MYO15A: variants seen among roughly 807,000 people sequenced by gnomAD.
MYO15A encodes the protein unconventional myosin-XV.
A neutral mutation model predicts 394.6 loss-of-function variants in MYO15A; 308 were observed. The observed-to-expected ratio is 0.78, with a 90% CI of 0.71 to 0.86. The LOEUF is 0.86. MYO15A is among the 40% of genes least tolerant of loss of function. The pLI, the probability that MYO15A is intolerant of heterozygous loss-of-function variation, is 0.00. For synonymous variants in MYO15A, 1,957 were observed against 2,003.8 expected, an observed-to-expected ratio of 0.98 and a Z score of 0.62; for missense variants, 4,606 against 4,799.1, an observed-to-expected ratio of 0.96 and a Z score of 1.19.
chr17:18,159,204 G>A (rs1170835655), intron 53 of MYO15A, 71 bp from the exon 54 acceptor site: 2 of 1,571,466 alleles, frequency 1.3e-6, no homozygotes, highest in African/African-American at 2.7e-5. Context: ...TATGGCCTTG[G>A]AACACAATGT....
In MYO15A at chr17:18,178,812, T is replaced by C; in HGVS notation, c.10535T>C (p.Leu3512Pro). ...CRVVAVHVEN[L>P]LSAHEKRLTL... ...GTGGTGGCCGTGCACGTGGAGAACC[T>C]GCTCAGTGCCCATGAGAAGCGGCTC... Residue 3512 changes from leucine (L) to proline (P), a missense_variant, in exon 66 of 66, where the codon CTG becomes CCG. By Grantham distance (98) the Leu-to-Pro change is moderately conservative. Coordinates refer to ENST00000647165, the MANE Select transcript of MYO15A (RefSeq NM_016239.4). The C allele has an allele frequency of 6.2e-7, 1 of 1,613,980 alleles. No individual in the cohort carries two copies. The highest frequency in any genetic ancestry group is 8.5e-7 in the Non-Finnish European group (1 of 1,180,012).
chr17:18,156,783 A>C (rs1423803502), intron 48 of MYO15A, among the ~76,000 whole-genome samples, 171 bp from the exon 49 acceptor site: 2 of 152,190 alleles, frequency 1.3e-5, no homozygotes, highest in African/African-American at 2.4e-5. Flanking sequence ...TGTGTCCCTC[A>C]GACTCACCCT....
rs528919197 is a variant in MYO15A, at chr17:18,158,655, C to A, written c.9083+17C>A. The A allele has an allele frequency of 3.7e-6, 6 of 1,611,512 alleles. No individual in the cohort carries two copies. In the South Asian group the frequency reaches 6.6e-5, roughly 18 times the overall value. On this transcript the variant is annotated intron_variant, in intron 52 of 65. Transcript: ENST00000647165. The stretch of plus-strand genomic sequence containing the variant: ...GAGACCCCAGTGAGTGGCGGCCCCA[C>A]CCCTCTTCCCACAGTGGGAGGGTGC...
intron 56 of MYO15A, chr17:18,160,810 C>G (rs1017001585): frequency 3.5e-6 from 1 of 289,296 alleles, no homozygotes; most frequent in Non-Finnish European, 6.8e-6. Context: ...TCATGCAGGG[C>G]CAGCACACAG....
In MYO15A at chr17:18,162,528, G is replaced by C. The variant is rs769096792; in HGVS notation, c.9518-57G>C. The C allele has an allele frequency of 7.9e-6, 12 of 1,519,774 alleles. No individual in the cohort carries two copies. In the South Asian group the frequency reaches 1.3e-4, roughly 16 times the overall value. 94.1% of individuals were successfully genotyped at this position (1,519,774 alleles called of 1,614,324 possible). A position where few individuals can be genotyped will look rare whatever the true frequency, so the allele number is the denominator to read the frequency against. ...GCTCATGGTTGGTGGCAAGAGGAGC[G>C]AGCCCCTTTCTCCCACAGTCCACCT... On this transcript the variant is annotated intron_variant, in intron 57 of 65. Coordinates refer to ENST00000647165, the MANE Select transcript of MYO15A (RefSeq NM_016239.4).
rs1397234915 is a variant in MYO15A at position 18,172,280 on chromosome 17, C to G, written c.10340C>G (p.Thr3447Arg). Residue 3447 changes from threonine to arginine, a missense_variant, in exon 64 of 66, where the codon ACA becomes AGA. This residue lies in a region of MYO15A where 2,776 missense variants were observed against 3,109.3 expected (regional missense o/e 0.89). Transcript: ENST00000647165. Reference sequence around the variant, plus strand: ...CACAATGGCCTCAACTTTCTCAGCACAGAGACTCATGTGAGTGGCCTCAGC... The same window carrying G: ...CACAATGGCCTCAACTTTCTCAGCAGAGAGACTCATGTGAGTGGCCTCAGC... ...INHNGLNFLS[T>R]ETHELMVKFP... The G allele has an allele frequency of 1.8e-5, 29 of 1,614,222 alleles. No individual in the cohort carries two copies. The highest frequency in any genetic ancestry group is 2.5e-5 in the Non-Finnish European group (29 of 1,180,038).
Position 18,137,605 on chromosome 17 carries a change from G to T in MYO15A, c.4801G>T (p.Glu1601Ter). 6.2e-7 allele frequency: 1 copy of T among 1,613,978 alleles called. No homozygotes were observed. Among genetic ancestry groups the T allele is most frequent in the South Asian group, 1.1e-5 (1 of 91,022 alleles). ...GCAGGACCTGAGCTTCAACAGCTTT[G>T]AGCAGCTGTGTATTAACTACGCAAA... ...GFEDLSFNSF[E>*]QLCINYANEN... Residue 1601 changes from glutamate (E) to a stop codon, truncating the protein, a stop_gained, in exon 16 of 66, where the codon GAG becomes TAG. Coordinates refer to ENST00000647165, the MANE Select transcript of MYO15A (RefSeq NM_016239.4). LOFTEE classifies it high-confidence loss of function.
At position 18,171,755 on chromosome 17, in the gene MYO15A, C is replaced by T. The variant is rs751227818; in HGVS notation, c.10200C>T (p.Ala3400=). 35 of 1,610,494 alleles carry T rather than the reference C, an allele frequency of 2.2e-5. No individual in the cohort carries two copies. Among genetic ancestry groups the T allele is most frequent in the Non-Finnish European group, 2.9e-5 (34 of 1,179,886 alleles). Residue 3400 remains alanine (A), a synonymous_variant, in exon 63 of 66, where the codon GCC becomes GCT. Coordinates refer to ENST00000647165, the MANE Select transcript of MYO15A (RefSeq NM_016239.4). Reference sequence around the variant, plus strand: ...CACAGGCGCTCAGCCCCCACCAGGCCCGTGCCCAGTTTCTGGGTAAGAGCT... The same window carrying T: ...CACAGGCGCTCAGCCCCCACCAGGCTCGTGCCCAGTTTCTGGGTAAGAGCT... ...QQTQALSPHQ[A]RAQFLGLLSA... is the part of the protein sequence containing the mutation.
At chr17:18,155,552 C>T in intron 47 of MYO15A, 120 bp downstream of exon 47, 5 of 978,870 alleles carry the variant, frequency 5.1e-6, no homozygotes, top group Non-Finnish European at 7.9e-6. Context: ...CTGTGCCAAG[C>T]CATTGAAGCA....
At position 18,142,835 on chromosome 17, in the gene MYO15A, C is replaced by T; in HGVS notation, c.5905C>T (p.Leu1969Phe). The T allele has an allele frequency of 1.2e-6, 2 of 1,611,348 alleles. No homozygotes were observed. Among genetic ancestry groups the T allele is most frequent in the Non-Finnish European group, 1.7e-6 (2 of 1,178,976 alleles). Residue 1969 changes from leucine to phenylalanine, a missense_variant, in exon 25 of 66, where the codon CTC (leucine) becomes TTC (phenylalanine). Leu to Phe is a conservative substitution (Grantham distance 22). Coordinates refer to ENST00000647165, the MANE Select transcript of MYO15A (RefSeq NM_016239.4). The part of the protein sequence containing the change: ...VHAYVSRRRY[L>F]KLRAEWRCQV... ...CGCATACGTGAGCCGCCGACGCTAT[C>T]TCAAGGTATAGGCCCTACCCTATCT...
chr17:18,151,030 A>G lies in MYO15A; in HGVS notation c.7474-80A>G, dbSNP rs117870139. On this transcript the variant is annotated intron_variant, in intron 38 of 65. Coordinates refer to ENST00000647165, the MANE Select transcript of MYO15A (RefSeq NM_016239.4). ...TTTGAGCCCAGGAGCTCCACAACCC[A>G]TCTCTGACAGAGATCTGGAGTCCCA... 728 of 1,608,214 alleles carry G rather than the reference A, an allele frequency of 4.5e-4. 7 individuals carry two copies. In the East Asian group the frequency reaches 0.014, roughly 32 times the overall value.
Position 18,149,920 on chromosome 17 carries a change from T to C in MYO15A, c.7212+340T>C, listed in dbSNP as rs1297603709. The C allele has an allele frequency of 2.5e-5, 8 of 316,976 alleles. No individual in the cohort carries two copies. The Admixed American group carries it at 4.1e-4, about 16-fold the overall frequency. 19.6% of individuals were successfully genotyped at this position (316,976 alleles called of 1,614,324 possible). A position where few individuals can be genotyped will look rare whatever the true frequency, so the allele number is the denominator to read the frequency against. ...GTGAGCTGTGATTGCACCACTGTGC[T>C]CCAGCCTGGGCAACAACAAGACCCT... On this transcript the variant is annotated intron_variant, in intron 35 of 65. Coordinates refer to ENST00000647165, the MANE Select transcript of MYO15A (RefSeq NM_016239.4).
At chr17:18,163,951 G>A in intron 60 of MYO15A, 113 bp downstream of exon 60, 2 of 1,043,272 alleles carry the variant, frequency 1.9e-6, no homozygotes, top group Non-Finnish European at 2.9e-6. Context: ...CTTCCTCCAG[G>A]AAGCCCCTTG....
At chr17:18,133,168 G>A in intron 11 of MYO15A, 57 bp from the exon 12 acceptor site, 5 of 1,585,920 alleles carry the variant, frequency 3.2e-6, no homozygotes, top group South Asian at 1.1e-5. Flanking sequence ...AGCAGGACCT[G>A]GAGGGCTCCC....
In MYO15A at chr17:18,167,579, G is replaced by T; in HGVS notation, c.9949-11G>T. The stretch of plus-strand genomic sequence containing the variant: ...CTGCCTGGCAGCCCCTCACCCAGGT[G>T]CTCCCTGCAGGTCCTGCCTGACTAC... On this transcript the variant is annotated splice_polypyrimidine_tract_variant and intron_variant, in intron 61 of 65. Transcript: ENST00000647165. 4 of 1,601,420 alleles carry T rather than the reference G, an allele frequency of 2.5e-6. No individual in the cohort carries two copies. Among genetic ancestry groups the T allele is most frequent in the South Asian group, 1.1e-5 (1 of 91,072 alleles).
In MYO15A at chr17:18,146,105, C is replaced by G; in HGVS notation, c.6507C>G (p.Leu2169=). The change falls in exon 30 of 66, where the codon CTC becomes CTG. Residue 2169 remains leucine (L), a splice_region_variant and synonymous_variant. Coordinates refer to ENST00000647165, the MANE Select transcript of MYO15A (RefSeq NM_016239.4). ...CCCCGTGCTTCAACAAGTACCTTCT[C>G]AAGTGAGTGGGACTGGATAGGGGCT... ...APSPCFNKYL[L]KFVSDYGRNG... 1.2e-6 allele frequency: 2 copies of G among 1,613,736 alleles called. No homozygotes were observed. Among genetic ancestry groups the G allele is most frequent in the Non-Finnish European group, 1.7e-6 (2 of 1,179,950 alleles).
At position 18,121,656 on chromosome 17, in the gene MYO15A, C is replaced by G; in HGVS notation, c.2856C>G (p.Gly952=). 1 of 1,532,716 alleles carries G rather than the reference C, an allele frequency of 6.5e-7. No individual in the cohort carries two copies. The highest frequency in any genetic ancestry group is 2.6e-5 in the East Asian group (1 of 38,722). The allele number at this position is 1,532,716 out of a possible 1,614,324, so 94.9% of individuals were successfully genotyped here. A position where few individuals can be genotyped will look rare whatever the true frequency, so the allele number is the denominator to read the frequency against. The change falls in exon 2 of 66, where the codon GGC becomes GGG. Residue 952 remains glycine, a synonymous_variant. Coordinates refer to ENST00000647165, the MANE Select transcript of MYO15A (RefSeq NM_016239.4). The surrounding 1 kb of genome is among the most constrained non-coding windows in gnomAD (Gnocchi z 5.3). The part of the protein sequence containing the change: ...PWPGGAGSRR[G]FSRPPPVPEN... ...CAGGAGGTGCAGGCAGCCGCCGAGG[C>G]TTTTCCAGGCCACCCCCTGTGCCGG...
chr17:18,131,860 A>G (rs1225412605), intron 10 of MYO15A, among the ~76,000 whole-genome samples: 1 of 151,744 alleles, frequency 6.6e-6, no homozygotes, highest in African/African-American at 2.4e-5. Context: ...CCACTCAGGA[A>G]GCTCCCCATT....
At chr17:18,170,688 T>C (rs1019949684) in intron 62 of MYO15A, among the ~76,000 whole-genome samples, 19 of 152,098 alleles carry the variant, frequency 1.2e-4, no homozygotes, top group African/African-American at 4.6e-4. Context: ...CTTTTTTTAA[T>C]GTATAATTTT....
Sources: gnomAD v4.1 joint callset for allele counts (sites outside exome capture counted in the v4.1 genomes callset) on GRCh38, gnomAD v4.1.1 for gene constraint, gnomAD v4.1.1 regional missense constraint, Gnocchi (gnomAD v3.1) non-coding constraint, MANE v1.5 for transcripts, NCBI Gene and HGNC (gene_info 2026-07-23, HGNC 2026-07-21) for gene names.